SRGAP3: variants seen among roughly 807,000 people sequenced by gnomAD.
SRGAP3 encodes the protein SLIT-ROBO Rho GTPase-activating protein 3.
In SRGAP3, 39 loss-of-function variants were observed where a neutral mutation model predicts 121.1. That is an observed-to-expected ratio of 0.32 (90% CI 0.25 to 0.42). The LOEUF (loss-of-function observed/expected upper bound fraction) is 0.42, where lower values mean the gene tolerates loss of function less well. Among genes scored for constraint, SRGAP3 ranks in the 10% least tolerant of loss-of-function variants. The pLI is 1.00. For synonymous variants in SRGAP3, 601 were observed against 570.0 expected (o/e 1.05, Z -0.77); for missense variants, 1,213 against 1,470.6 (o/e 0.82, Z 2.86).
intron 3 of SRGAP3, among the ~76,000 whole-genome samples, chr3:9,322,493 C>T (rs1575003355): frequency 6.6e-6 from 1 of 151,896 alleles, no homozygotes; most frequent in Non-Finnish European, 1.5e-5. Flanking sequence ...AGGAACAGGG[C>T]TGCACAGCAG....
intron 1 of SRGAP3, among the ~76,000 whole-genome samples, chr3:9,224,313 T>C (rs1456169104): frequency 8.5e-5 from 13 of 152,164 alleles, no homozygotes. Flanking sequence ...TGTTGAAATG[T>C]CATGCCATTT....
At chr3:9,155,758 C>T (rs898216443) in intron 1 of SRGAP3, among the ~76,000 whole-genome samples, 1 of 152,074 alleles carries the variant, frequency 6.6e-6, no homozygotes, top group Non-Finnish European at 1.5e-5. Context: ...ATCCGGTGTT[C>T]TTGTTTGGTT....
rs776573847 is a variant in SRGAP3 at position 9,124,824 on chromosome 3, C to T, written c.161G>A (p.Arg54His). ...CTCGAGCTCAATCTCAGCTTTCCGG[C>T]GGAAAAACTCCTGGAGGTCTTGAAG... is the stretch of plus-strand genomic sequence containing the variant. ...QLLQDLQEFF[R>H]RKAEIELEYS... is the part of the protein sequence containing the mutation. The change falls in exon 2 of 22, where the codon CGC (arginine) becomes CAC (histidine). Residue 54 changes from arginine (R) to histidine (H), a missense_variant. Coordinates refer to ENST00000383836, the MANE Select transcript of SRGAP3 (RefSeq NM_014850.4). 1 of 1,614,200 alleles carries T rather than the reference C, an allele frequency of 6.2e-7. No individual in the cohort carries two copies. The highest frequency in any genetic ancestry group is 8.5e-7 in the Non-Finnish European group (1 of 1,180,042).
intron 1 of SRGAP3, among the ~76,000 whole-genome samples, chr3:9,357,396 G>A (rs1302418702): frequency 4.0e-5 from 6 of 151,834 alleles, no homozygotes; most frequent in Admixed American, 2.6e-4. Context: ...GTGGTCTTTC[G>A]TGTCTGGCAT....
At chr3:9,216,774 C>T (rs567551560) in intron 1 of SRGAP3, 3 of 152,782 alleles carry the variant, frequency 2.0e-5, no homozygotes, top group South Asian at 4.1e-4. Flanking sequence ...TGTCCCTCCC[C>T]AGAGGAGCGG....
At chr3:9,326,736 T>C (rs370609957) in intron 2 of SRGAP3, among the ~76,000 whole-genome samples, 1 of 151,768 alleles carries the variant, frequency 6.6e-6, no homozygotes, top group African/African-American at 2.4e-5. Flanking sequence ...TATTGGCTGG[T>C]TTAGCATGAT....
intron 1 of SRGAP3, among the ~76,000 whole-genome samples, chr3:9,336,798 G>A (rs564594862): frequency 6.6e-6 from 1 of 152,282 alleles, no homozygotes; most frequent in African/African-American, 2.4e-5. Flanking sequence ...ACAACAGAGA[G>A]TATGTTAGAG....
chr3:9,136,613 C>T (rs771478886), intron 1 of SRGAP3, among the ~76,000 whole-genome samples: 1 of 152,238 alleles, frequency 6.6e-6, no homozygotes, highest in Non-Finnish European at 1.5e-5. Flanking sequence ...GGCCGGTCAG[C>T]GGCCATCCTC....
At chr3:9,286,942 C>G (rs1574973294) in intron 3 of SRGAP3, among the ~76,000 whole-genome samples, 1 of 144,228 alleles carries the variant, frequency 6.9e-6, no homozygotes, top group South Asian at 2.2e-4. Flanking sequence ...TCGTTATTAT[C>G]TTCTAGAGGT....
chr3:9,045,878 A>T (rs1218979864), intron 10 of SRGAP3, among the ~76,000 whole-genome samples: 1 of 151,930 alleles, frequency 6.6e-6, no homozygotes, highest in Non-Finnish European at 1.5e-5. Context: ...GCCTATAAAT[A>T]CCAACCCTCC....
chr3:9,218,098 A>G lies in SRGAP3; in HGVS notation c.67+30787T>C, dbSNP rs958164009. 8.7e-5 allele frequency: 13 copies of G among 149,926 alleles called. No homozygotes were observed. Among genetic ancestry groups the G allele is most frequent in the African/African-American group, 3.0e-4 (12 of 40,322 alleles). The allele number at this position is 149,926 out of a possible 1,614,324, so 9.3% of individuals were successfully genotyped here. On this transcript the variant is annotated intron_variant, in intron 1 of 21. Coordinates refer to ENST00000383836, the MANE Select transcript of SRGAP3 (RefSeq NM_014850.4). This position sits in a 1 kb window ranked among gnomAD's most constrained non-coding sequence, Gnocchi z 5.3. ...TACTTCTGAAAGACAGTGCTTACTT[A>G]GCTTGGGCTCCAGATTTTAAGAGAC... is the stretch of plus-strand genomic sequence containing the variant.
chr3:9,106,545 T>G (rs1948424978), intron 2 of SRGAP3, among the ~76,000 whole-genome samples: 1 of 152,188 alleles, frequency 6.6e-6, no homozygotes, highest in African/African-American at 2.4e-5. Flanking sequence ...ACTTGAATTG[T>G]ATCTCCCAGA....
At chr3:9,060,756 T>C (rs1161126211) in intron 5 of SRGAP3, among the ~76,000 whole-genome samples, 1 of 151,760 alleles carries the variant, frequency 6.6e-6, no homozygotes, top group African/African-American at 2.4e-5. Context: ...TTTTTTTTTC[T>C]TTATAGTAGC....
At position 9,260,490 on chromosome 3, in the gene SRGAP3, T is replaced by A. The variant is rs991859066; in HGVS notation, n.442+65520A>T. ...AGGGGCGTCCGCCATTAAGGAGGCT[T>A]GAGTAGGTTGTTTTCCCCTTATAAT... On this transcript the variant is annotated intron_variant and non_coding_transcript_variant, in intron 3 of 3. Coordinates refer to the SRGAP3 transcript ENST00000490889. 2.0e-5 allele frequency among the ~76,000 whole-genome samples: 3 copies of A among 152,128 alleles called. No individual in the cohort carries two copies. The East Asian group carries it at 5.8e-4, about 29-fold the overall frequency.
chr3:9,071,650 GGA>G (rs1946726035), intron 4 of SRGAP3, among the ~76,000 whole-genome samples: 1 of 149,652 alleles, frequency 6.7e-6, no homozygotes, highest in East Asian at 2.0e-4. Flanking sequence ...GTGGATGGAT[GGA>G]TGGATGGATG....
chr3:9,105,982 A>G (rs1428230210), intron 2 of SRGAP3, among the ~76,000 whole-genome samples: 1 of 152,260 alleles, frequency 6.6e-6, no homozygotes, highest in African/African-American at 2.4e-5. Context: ...TCATGTAATT[A>G]GTTGAATGCT....
At chr3:9,070,073 C>T (rs1946630020) in intron 4 of SRGAP3, among the ~76,000 whole-genome samples, 2 of 152,252 alleles carry the variant, frequency 1.3e-5, no homozygotes, top group Non-Finnish European at 2.9e-5. Flanking sequence ...TTCTGGTCAT[C>T]ACACTGCCTT....
At position 9,170,753 on chromosome 3, in the gene SRGAP3, G is replaced by A. The variant is rs75215269; in HGVS notation, c.68-45836C>T. ...GGGTCTGAGGCCCAAGGAGGTGAGG[G>A]CACATGCCCAGGTCACACACCACAG... On this transcript the variant is annotated intron_variant, in intron 1 of 21. Transcript: ENST00000383836. 4.4e-3 allele frequency among the ~76,000 whole-genome samples: 672 copies of A among 152,330 alleles called. 11 individuals are homozygous for A. The highest frequency in any genetic ancestry group is 0.01 in the Middle Eastern group (3 of 294).
chr3:9,206,898 A>C (rs1952285055), intron 1 of SRGAP3, among the ~76,000 whole-genome samples: 1 of 152,096 alleles, frequency 6.6e-6, no homozygotes, highest in South Asian at 2.1e-4. Flanking sequence ...TCCTGAGGTA[A>C]CTCCAGGAGG....
Sources: gnomAD v4.1 joint callset for allele counts (sites outside exome capture counted in the v4.1 genomes callset) on GRCh38, gnomAD v4.1.1 for gene constraint, Gnocchi (gnomAD v3.1) non-coding constraint, MANE v1.5 for transcripts, NCBI Gene and HGNC (gene_info 2026-07-23, HGNC 2026-07-21) for gene names.